SPAG16: variants seen among roughly 807,000 people sequenced by gnomAD.
SPAG16 encodes the protein sperm associated antigen 16, also known as sperm-associated antigen 16 protein.
Under a neutral mutation model 80.4 loss-of-function variants are expected in SPAG16, and 86 were observed. That is an observed-to-expected ratio of 1.07 (90% CI 0.90 to 1.28). The LOEUF (loss-of-function observed/expected upper bound fraction) is 1.28, where lower values mean the gene tolerates loss of function less well. SPAG16 is among the 50% of genes most tolerant of loss of function. The probability of loss-of-function intolerance (pLI) is 0.00; values close to 1 mark genes in which losing one functional copy is unlikely to be tolerated. For missense variants in SPAG16, 870 were observed against 765.3 expected, an observed-to-expected ratio of 1.14 and a Z score of -1.61; for synonymous variants, 294 against 265.9, an observed-to-expected ratio of 1.11 and a Z score of -1.03.
chr2:214,201,050 G>A (rs2057994956), intron 15 of SPAG16, among the ~76,000 whole-genome samples: 1 of 152,136 alleles, frequency 6.6e-6, no homozygotes, highest in Admixed American at 6.6e-5. Context: ...AAAACTTCTG[G>A]AAAAGTGGTG....
intron 10 of SPAG16, among the ~76,000 whole-genome samples, chr2:213,695,171 TC>T: frequency 6.6e-6 from 1 of 152,308 alleles, no homozygotes; most frequent in Non-Finnish European, 1.5e-5. Context: ...CATATCTTTT[TC>T]TTACTCTTCA....
chr2:213,504,183 A>C (rs543194184), intron 10 of SPAG16, among the ~76,000 whole-genome samples: 19 of 152,066 alleles, frequency 1.2e-4, no homozygotes, highest in Admixed American at 9.8e-4. Context: ...TTGTAGCAAG[A>C]TTAGATTTTG....
chr2:213,856,223 C>A (rs1267393644), intron 10 of SPAG16, among the ~76,000 whole-genome samples: 1 of 152,190 alleles, frequency 6.6e-6, no homozygotes, highest in East Asian at 1.9e-4. Flanking sequence ...CCAAAATGTT[C>A]TCTTTGACTC....
intron 10 of SPAG16, among the ~76,000 whole-genome samples, chr2:213,749,855 A>C (rs1448288163): frequency 6.6e-6 from 1 of 152,056 alleles, no homozygotes; most frequent in African/African-American, 2.4e-5. Flanking sequence ...CCTGTTTTTT[A>C]TATGACTTAC....
chr2:213,683,431 G>A (rs1427262360), intron 10 of SPAG16, among the ~76,000 whole-genome samples: 1 of 151,940 alleles, frequency 6.6e-6, no homozygotes, highest in African/African-American at 2.4e-5. Context: ...TGCTCCTTTA[G>A]TCCCAGCTTC....
intron 4 of SPAG16, among the ~76,000 whole-genome samples, chr2:213,313,203 A>G (rs551959717): frequency 1.3e-4 from 19 of 151,988 alleles, no homozygotes; most frequent in African/African-American, 3.1e-4. Context: ...TTTGACCACT[A>G]TAAATACATC....
At position 213,374,898 on chromosome 2, in the gene SPAG16, A is replaced by AT. The variant is rs2066809599; in HGVS notation, c.833-106dup. ...GGTTTGGGTATCAATAATTTAATGA[A>AT]TTTTTTAAAAATACATGCATCATTG... is the stretch of plus-strand genomic sequence containing the variant. On this transcript the variant is annotated intron_variant, in intron 8 of 15. Coordinates refer to ENST00000331683, the MANE Select transcript of SPAG16 (RefSeq NM_024532.5). The AT allele has an allele frequency of 4.1e-6, 3 of 731,164 alleles. No homozygotes were observed. In the South Asian group the frequency reaches 5.7e-5, roughly 14 times the overall value. The allele number at this position is 731,164 out of a possible 1,614,324, so 45.3% of individuals were successfully genotyped here. A position where few individuals can be genotyped will look rare whatever the true frequency, so the allele number is the denominator to read the frequency against.
chr2:214,356,493 T>A (rs1342884331), intron 15 of SPAG16, among the ~76,000 whole-genome samples: 1 of 152,006 alleles, frequency 6.6e-6, no homozygotes, highest in Admixed American at 6.6e-5. Context: ...CAACTATGTA[T>A]ACAGTACTTG....
At position 214,370,573 on chromosome 2, in the gene SPAG16, A is replaced by C. The variant is rs184880520; in HGVS notation, c.1721-39567A>C. Reference sequence around the variant, plus strand: ...ACACCTCACCAAGAGAGTGAGAGAGAGTGTGTGTGGTGAGAACATTTAAGG... The same window carrying C: ...ACACCTCACCAAGAGAGTGAGAGAGCGTGTGTGTGGTGAGAACATTTAAGG... On this transcript the variant is annotated intron_variant, in intron 15 of 15. Transcript: ENST00000331683. 4.0e-3 allele frequency among the ~76,000 whole-genome samples: 609 copies of C among 152,286 alleles called. 2 individuals carry two copies. The highest frequency in any genetic ancestry group is 5.8e-3 in the Admixed American group (89 of 15,282).
chr2:213,638,606 A>G (rs2062461160), intron 10 of SPAG16, among the ~76,000 whole-genome samples: 1 of 152,144 alleles, frequency 6.6e-6, no homozygotes, highest in Admixed American at 6.5e-5. Flanking sequence ...GGTCTGAGAG[A>G]GTACTTGATA....
rs1327461962 is a variant in SPAG16 at position 213,492,453 on chromosome 2, G to A, written c.1070+2363G>A. Among the ~76,000 whole-genome samples, 3 of 152,124 alleles carry A rather than the reference G, an allele frequency of 2.0e-5. No homozygotes were observed. In the Middle Eastern group the frequency reaches 0.01, roughly 517 times the overall value. On this transcript the variant is annotated intron_variant, in intron 10 of 15. Coordinates refer to ENST00000331683, the MANE Select transcript of SPAG16 (RefSeq NM_024532.5). ...TAGTCCCAGCTACTCGGGAGGCTGA[G>A]GCAGGAGAATGGCATGAACCCGGGA... is the stretch of plus-strand genomic sequence containing the variant.
intron 10 of SPAG16, among the ~76,000 whole-genome samples, chr2:213,621,581 T>G (rs1437892997): frequency 6.6e-6 from 1 of 152,094 alleles, no homozygotes; most frequent in Non-Finnish European, 1.5e-5. Flanking sequence ...GAAATAGAAA[T>G]GTACCTGGAG....
intron 9 of SPAG16, among the ~76,000 whole-genome samples, chr2:213,450,437 A>G (rs764906829): frequency 1.2e-4 from 19 of 152,206 alleles, no homozygotes; most frequent in Non-Finnish European, 2.4e-4. Flanking sequence ...ATTGCGTATC[A>G]TTTATTTTGG....
chr2:213,896,416 A>G (rs116171178), intron 11 of SPAG16, among the ~76,000 whole-genome samples: 267 of 152,090 alleles, frequency 1.8e-3, no homozygotes, highest in Middle Eastern at 0.014. Context: ...AGAACTACAT[A>G]TGATCCAGCA....
intron 12 of SPAG16, among the ~76,000 whole-genome samples, chr2:213,976,366 A>G (rs923174890): frequency 6.6e-6 from 1 of 151,726 alleles, no homozygotes; most frequent in Non-Finnish European, 1.5e-5. Flanking sequence ...ATATATACAG[A>G]AAGTGAGAGA....
intron 3 of SPAG16, among the ~76,000 whole-genome samples, chr2:213,300,972 A>T (rs2062718962): frequency 6.6e-6 from 1 of 152,114 alleles, no homozygotes; most frequent in African/African-American, 2.4e-5. Flanking sequence ...AGGATTAATA[A>T]ATATGTATTC....
At chr2:213,346,300 C>T (rs1450170316) in intron 6 of SPAG16, among the ~76,000 whole-genome samples, 1 of 152,166 alleles carries the variant, frequency 6.6e-6, no homozygotes, top group African/African-American at 2.4e-5. Context: ...GTGGGGTTTT[C>T]TAGATATACA....
At chr2:213,624,714 A>G (rs571953170) in intron 10 of SPAG16, among the ~76,000 whole-genome samples, 4 of 152,336 alleles carry the variant, frequency 2.6e-5, no homozygotes, top group African/African-American at 7.2e-5. Flanking sequence ...TTGTTGAAGC[A>G]GATAATAGGA....
chr2:213,878,948 T>C (rs2076242967), intron 11 of SPAG16, among the ~76,000 whole-genome samples: 1 of 152,076 alleles, frequency 6.6e-6, no homozygotes, highest in African/African-American at 2.4e-5. Context: ...TTGTCAAAGA[T>C]CAGGTGGATG....
Sources: gnomAD v4.1 joint callset for allele counts (sites outside exome capture counted in the v4.1 genomes callset) on GRCh38, gnomAD v4.1.1 for gene constraint, MANE v1.5 for transcripts, NCBI Gene and HGNC (gene_info 2026-07-23, HGNC 2026-07-21) for gene names.